LIMA1: variants seen among roughly 807,000 people sequenced by gnomAD.
The protein encoded by LIMA1 is LIM domain and actin-binding protein 1.
Under a neutral mutation model 62.6 loss-of-function variants are expected in LIMA1, and 52 were observed. The observed-to-expected ratio is 0.83, with a 90% CI of 0.67 to 1.05. The LOEUF (loss-of-function observed/expected upper bound fraction) is 1.05. Among genes scored for constraint, LIMA1 ranks in the 50% least tolerant of loss-of-function variants. The pLI, the probability that LIMA1 is intolerant of heterozygous loss-of-function variation, is 0.00. For synonymous variants in LIMA1, 302 were observed against 317.8 expected (o/e 0.95, Z 0.53); for missense variants, 780 against 902.2 (o/e 0.86, Z 1.74).
intron 1 of LIMA1, among the ~76,000 whole-genome samples, chr12:50,267,148 C>T (rs1942148551): frequency 6.6e-6 from 1 of 152,102 alleles, no homozygotes. Context: ...CGGCTCACTG[C>T]AAGCTCCATC....
intron 10 of LIMA1, among the ~76,000 whole-genome samples, chr12:50,181,112 CAAAA>C (rs35433011): frequency 1.4e-5 from 1 of 71,104 alleles, no homozygotes; most frequent in Non-Finnish European, 2.7e-5. Flanking sequence ...ACTCTGTATC[CAAAA>C]AAAAAAAAAA....
rs539495381 is a variant in LIMA1 at position 50,185,272 on chromosome 12, C to T, written c.1141-3235G>A. The T allele has an allele frequency of 9.9e-4, 422 of 427,808 alleles. 4 individuals carry two copies. The highest frequency in any genetic ancestry group is 5.2e-3 in the South Asian group (311 of 59,658). The allele number at this position is 427,808 out of a possible 1,614,324, so 26.5% of individuals were successfully genotyped here. A position where few individuals can be genotyped will look rare whatever the true frequency, so the allele number is the denominator to read the frequency against. On this transcript the variant is annotated intron_variant, in intron 9 of 10. Transcript: ENST00000341247. ...GTTCTGCTAAAGGGGAACTGAAGGA[C>T]GCAGAGCACTCCTCCATCACAAACA...
intron 2 of LIMA1, among the ~76,000 whole-genome samples, chr12:50,246,863 A>T (rs1941856727): frequency 6.6e-6 from 1 of 152,064 alleles, no homozygotes; most frequent in South Asian, 2.1e-4. Context: ...CATCCCTTCC[A>T]CTACCAGTGC....
chr12:50,200,344 C>T (rs983758723), intron 7 of LIMA1, among the ~76,000 whole-genome samples: 2 of 152,150 alleles, frequency 1.3e-5, no homozygotes, highest in Non-Finnish European at 2.9e-5. Context: ...GCTGGGATTA[C>T]AGGCATGCAC....
intron 4 of LIMA1, among the ~76,000 whole-genome samples, chr12:50,215,671 C>G (rs1358461308): frequency 6.6e-6 from 1 of 151,926 alleles, no homozygotes; most frequent in Non-Finnish European, 1.5e-5. Flanking sequence ...GATGGGGTTT[C>G]ACCGTGTTAT....
chr12:50,176,754 T>C lies in LIMA1; in HGVS notation c.*310A>G. The C allele has an allele frequency of 4.0e-6, 1 of 252,826 alleles. No homozygotes were observed. The highest frequency in any genetic ancestry group is 5.4e-5 in the Admixed American group (1 of 18,672). The allele number at this position is 252,826 out of a possible 1,614,324, so 15.7% of individuals were successfully genotyped here. A position where few individuals can be genotyped will look rare whatever the true frequency, so the allele number is the denominator to read the frequency against. ...ATCATCTGTCTACCTTAATATTGCCTTTTGGGAATACAGTAGAATCTGGGC... is the reference window on the plus strand; with the variant it reads ...ATCATCTGTCTACCTTAATATTGCCCTTTGGGAATACAGTAGAATCTGGGC... On this transcript the variant is annotated 3_prime_UTR_variant, in exon 11 of 11. Transcript: ENST00000341247.
chr12:50,222,825 A>C, intron 3 of LIMA1: 1 of 540,790 alleles, frequency 1.8e-6, no homozygotes, highest in Non-Finnish European at 2.7e-6. Flanking sequence ...AAAAAACAAG[A>C]AAGAAAAAGC....
At chr12:50,246,457 C>T (rs2138632838) in intron 2 of LIMA1, among the ~76,000 whole-genome samples, 1 of 152,194 alleles carries the variant, frequency 6.6e-6, no homozygotes, top group East Asian at 1.9e-4. Flanking sequence ...ATTCCTGTTC[C>T]CCCTTGACCC....
At chr12:50,227,237 C>CTTTTTTTTTTTTTTTT (rs199650468) in intron 3 of LIMA1, among the ~76,000 whole-genome samples, 6 of 123,986 alleles carry the variant, frequency 4.8e-5, no homozygotes, top group Admixed American at 8.6e-5. Flanking sequence ...TTTTTCTTTT[C>CTTTTTTTTTTTTTTTT]TTTTTTTTTT....
At chr12:50,201,298 C>T in intron 6 of LIMA1, 1 of 1,004,238 alleles carries the variant, frequency 1.0e-6, no homozygotes, top group Non-Finnish European at 1.2e-6. Flanking sequence ...AGAAAATATA[C>T]TGACCATACA....
chr12:50,214,516 C>T (rs1427954785), intron 4 of LIMA1, among the ~76,000 whole-genome samples: 1 of 152,224 alleles, frequency 6.6e-6, no homozygotes, highest in Non-Finnish European at 1.5e-5. Flanking sequence ...TAACTTAAAA[C>T]CATGCAATTT....
At chr12:50,227,853 TTTC>T in intron 3 of LIMA1, among the ~76,000 whole-genome samples, 1 of 151,382 alleles carries the variant, frequency 6.6e-6, no homozygotes, top group Non-Finnish European at 1.5e-5. Context: ...TAATTTTTTT[TTTC>T]TTTTTTTTTT....
At chr12:50,236,893 T>C (rs1459850808) in intron 2 of LIMA1, among the ~76,000 whole-genome samples, 3 of 151,986 alleles carry the variant, frequency 2.0e-5, no homozygotes, top group Non-Finnish European at 4.4e-5. Context: ...CCGTGGGCTG[T>C]CATTGTACCA....
chr12:50,255,062 A>G (rs1023885243), intron 1 of LIMA1, among the ~76,000 whole-genome samples: 26 of 150,928 alleles, frequency 1.7e-4, no homozygotes, highest in African/African-American at 6.3e-4. Flanking sequence ...AAAAACCACC[A>G]AACCAAACCA....
In LIMA1 at chr12:50,276,832, T is replaced by C. The variant is rs2138711304; in HGVS notation, c.-24+6588A>G. 2.0e-5 allele frequency among the ~76,000 whole-genome samples: 3 copies of C among 151,604 alleles called. No individual in the cohort carries two copies. The South Asian group carries it at 6.2e-4, about 32-fold the overall frequency. ...CTAGAGTGAGCCGAGATTGTGCCAC[T>C]GCACTCCAGCCTGGGTGACTGAGTG... On this transcript the variant is annotated intron_variant, in intron 1 of 10. Transcript: ENST00000341247.
At chr12:50,199,584 T>C (rs896493176) in intron 7 of LIMA1, among the ~76,000 whole-genome samples, 12 of 152,198 alleles carry the variant, frequency 7.9e-5, no homozygotes, top group Non-Finnish European at 1.3e-4. Flanking sequence ...TACATTTTTA[T>C]GATAGCTGAC....
intron 5 of LIMA1, 66 bp downstream of exon 5, chr12:50,205,918 C>T: frequency 8.3e-7 from 1 of 1,199,276 alleles, no homozygotes; most frequent in Non-Finnish European, 1.2e-6. Flanking sequence ...GGCTTCGAGT[C>T]CAAAAGATGT....
At chr12:50,179,898 C>T (rs570387795) in intron 10 of LIMA1, among the ~76,000 whole-genome samples, 9 of 151,700 alleles carry the variant, frequency 5.9e-5, no homozygotes, top group South Asian at 4.2e-4. Flanking sequence ...ATGGGATCTC[C>T]GGCCAGGTGC....
chr12:50,205,170 T>A (rs1941128096), intron 5 of LIMA1, among the ~76,000 whole-genome samples: 2 of 151,914 alleles, frequency 1.3e-5, no homozygotes, highest in African/African-American at 4.8e-5. Context: ...TTTGAAGTCT[T>A]GGGCTCAAAT....
Sources: allele counts gnomAD v4.1 joint callset (sites outside exome capture counted in the v4.1 genomes callset), GRCh38; gene constraint gnomAD v4.1.1; transcripts MANE v1.5; gene names NCBI Gene and HGNC (gene_info 2026-07-23, HGNC 2026-07-21).